ADGRF4: variants seen among roughly 807,000 people sequenced by gnomAD.
The protein encoded by ADGRF4 is G-protein coupled receptor PGR18.
ADGRF4 carries 63 observed loss-of-function variants against 58.5 expected under a neutral mutation model. The observed-to-expected ratio is 1.08, with a 90% CI of 0.88 to 1.33. ADGRF4 has a LOEUF of 1.33. ADGRF4 is among the 40% of genes most tolerant of loss of function. The pLI, the probability that ADGRF4 is intolerant of heterozygous loss-of-function variation, is 0.00. For synonymous variants in ADGRF4, 313 were observed against 295.4 expected, an observed-to-expected ratio of 1.06 and a Z score of -0.61; for missense variants, 931 against 843.9, an observed-to-expected ratio of 1.10 and a Z score of -1.28.
chr6:47,713,504 C>A (rs1344565191), intron 5 of ADGRF4, among the ~76,000 whole-genome samples: 2 of 152,182 alleles, frequency 1.3e-5, no homozygotes, highest in Non-Finnish European at 2.9e-5. Flanking sequence ...CTCCATTAAA[C>A]AATCATTAAA....
intron 9 of ADGRF4, among the ~76,000 whole-genome samples, chr6:47,718,740 A>G (rs141805967): frequency 6.6e-6 from 1 of 152,346 alleles, no homozygotes; most frequent in East Asian, 1.9e-4. Context: ...TAACACTCAT[A>G]ATAGCCCCAT....
At chr6:47,720,675 T>C (rs1245311023) in intron 9 of ADGRF4, among the ~76,000 whole-genome samples, 1 of 152,170 alleles carries the variant, frequency 6.6e-6, no homozygotes, top group Non-Finnish European at 1.5e-5. Flanking sequence ...CAGCACCTTC[T>C]GTTGTTCATA....
intron 1 of ADGRF4, among the ~76,000 whole-genome samples, chr6:47,699,126 G>C (rs112924201): frequency 6.6e-6 from 1 of 152,154 alleles, no homozygotes; most frequent in Non-Finnish European, 1.5e-5. Flanking sequence ...CTGTCTTTTA[G>C]ACTGAATGTA....
Position 47,707,279 on chromosome 6 carries a change from T to G in ADGRF4, c.34T>G (p.Cys12Gly). 1 of 1,613,580 alleles carries G rather than the reference T, an allele frequency of 6.2e-7. No homozygotes were observed. Among genetic ancestry groups the G allele is most frequent in the Non-Finnish European group, 8.5e-7 (1 of 1,179,490 alleles). Reference sequence around the variant, plus strand: ...GAAGTCCCAGGCAACCATGATTTGCTGCTTAGTGTTCTTTCTGTCCACAGA... The same window carrying G: ...GAAGTCCCAGGCAACCATGATTTGCGGCTTAGTGTTCTTTCTGTCCACAGA... ...KMKSQATMIC[C>G]LVFFLSTECS... The change falls in exon 2 of 10, where the codon TGC (cysteine) becomes GGC (glycine). Residue 12 changes from cysteine to glycine, a missense_variant. Coordinates refer to ENST00000283303, the MANE Select transcript of ADGRF4 (RefSeq NM_153838.5).
chr6:47,721,029 A>G (rs938291905), intron 9 of ADGRF4, among the ~76,000 whole-genome samples, 180 bp from the exon 10 acceptor site: 1 of 152,132 alleles, frequency 6.6e-6, no homozygotes, highest in African/African-American at 2.4e-5. Context: ...TCGCCTTTTT[A>G]CTGTCTGACC....
At chr6:47,702,391 A>T (rs891597807) in intron 1 of ADGRF4, among the ~76,000 whole-genome samples, 2 of 152,206 alleles carry the variant, frequency 1.3e-5, no homozygotes, top group African/African-American at 2.4e-5. Flanking sequence ...CAAATACAGT[A>T]GACACAAAAG....
chr6:47,699,363 G>A (rs1771532555), intron 1 of ADGRF4, among the ~76,000 whole-genome samples: 1 of 152,158 alleles, frequency 6.6e-6, no homozygotes, highest in Non-Finnish European at 1.5e-5. Flanking sequence ...TGCATCATTA[G>A]GTGCTGTTTA....
intron 7 of ADGRF4, 68 bp from the exon 8 acceptor site, chr6:47,717,224 C>G: frequency 8.9e-7 from 1 of 1,123,814 alleles, no homozygotes; most frequent in Non-Finnish European, 1.4e-6. Context: ...CTTAAAGTTT[C>G]AGGACAGGCA....
intron 6 of ADGRF4, 101 bp from the exon 7 acceptor site, chr6:47,716,705 A>G: frequency 1.2e-6 from 1 of 865,664 alleles, no homozygotes; most frequent in Non-Finnish European, 1.9e-6. Flanking sequence ...TCTAATGTCC[A>G]ATAACTGCCC....
intron 1 of ADGRF4, among the ~76,000 whole-genome samples, chr6:47,699,042 A>G (rs149366570): frequency 2.1e-3 from 326 of 152,276 alleles, no homozygotes; most frequent in African/African-American, 7.3e-3. Flanking sequence ...CTAGGAGTGA[A>G]AATGCAAAGT....
At chr6:47,712,740 T>C (rs1318127069) in intron 5 of ADGRF4, 132 bp downstream of exon 5, 1 of 659,590 alleles carries the variant, frequency 1.5e-6, no homozygotes, top group Non-Finnish European at 2.6e-6. Context: ...TTCACTTCGG[T>C]TTGGGATATT....
chr6:47,700,467 C>A (rs1771565776), intron 1 of ADGRF4, among the ~76,000 whole-genome samples: 1 of 152,136 alleles, frequency 6.6e-6, no homozygotes, highest in Non-Finnish European at 1.5e-5. Flanking sequence ...CAAGATGGGA[C>A]AAATAGGAGA....
intron 3 of ADGRF4, among the ~76,000 whole-genome samples, chr6:47,709,342 G>A (rs1238607195): frequency 6.6e-6 from 1 of 152,184 alleles, no homozygotes; most frequent in Non-Finnish European, 1.5e-5. Context: ...GGTAAATAAA[G>A]TTTTTTCGGA....
chr6:47,704,828 A>G (rs1224505020), intron 1 of ADGRF4, among the ~76,000 whole-genome samples: 1 of 152,222 alleles, frequency 6.6e-6, no homozygotes, highest in African/African-American at 2.4e-5. Flanking sequence ...TTTTGGTTTT[A>G]TGTATAGACA....
chr6:47,714,245 C>G lies in ADGRF4; in HGVS notation c.1000C>G (p.Leu334Val), dbSNP rs200903460. The G allele has an allele frequency of 1.7e-4, 277 of 1,614,156 alleles. No homozygotes were observed. Among genetic ancestry groups the G allele is most frequent in the Middle Eastern group, 4.9e-4 (3 of 6,062 alleles). ...ACCAGAAAGGTTGCAAGAAATCATACTCACCTTCGAAAAGATCAATAAAAC... is the reference window on the plus strand; with the variant it reads ...ACCAGAAAGGTTGCAAGAAATCATAGTCACCTTCGAAAAGATCAATAAAAC... Reference protein sequence around the residue: ...VLPERLQEIILTFEKINKTRN... With the variant: ...VLPERLQEIIVTFEKINKTRN... The change falls in exon 6 of 10, where the codon CTC becomes GTC. Residue 334 changes from leucine to valine, a missense_variant. Coordinates refer to ENST00000283303, the MANE Select transcript of ADGRF4 (RefSeq NM_153838.5).
At chr6:47,716,692 C>A in intron 6 of ADGRF4, 114 bp from the exon 7 acceptor site, 1 of 787,018 alleles carries the variant, frequency 1.3e-6, no homozygotes. Context: ...GGAAACTGAA[C>A]TTTCTAATGT....
intron 1 of ADGRF4, among the ~76,000 whole-genome samples, chr6:47,702,562 A>C (rs1771614196): frequency 6.6e-6 from 1 of 152,220 alleles, no homozygotes; most frequent in Admixed American, 6.5e-5. Context: ...CAAATGGTGG[A>C]TAATATGCAT....
Position 47,714,194 on chromosome 6 carries a change from A to G in ADGRF4, c.949A>G (p.Asn317Asp). The G allele has an allele frequency of 6.2e-7, 1 of 1,614,090 alleles. No individual in the cohort carries two copies. Among genetic ancestry groups the G allele is most frequent in the Non-Finnish European group, 8.5e-7 (1 of 1,180,010 alleles). The change falls in exon 6 of 10, where the codon AAT (asparagine) becomes GAT (aspartate). Residue 317 changes from asparagine (N) to aspartate (D), a missense_variant. Asn to Asp is a conservative substitution (Grantham distance 23). Transcript: ENST00000283303. The stretch of plus-strand genomic sequence containing the variant: ...AAATGTGAGTCTTCCCAGACAGGTA[A>G]ATGGTCTGGTGCTATCAGTGGTTTT... Reference protein sequence around the residue: ...LQNVSLPRQVNGLVLSVVLPE... With the variant: ...LQNVSLPRQVDGLVLSVVLPE...
chr6:47,717,435 C>T, intron 8 of ADGRF4, 84 bp downstream of exon 8: 1 of 866,478 alleles, frequency 1.2e-6, no homozygotes, highest in Non-Finnish European at 2.0e-6. Context: ...GCTCAGTACT[C>T]AGGATCTGTG....
Sources: allele counts gnomAD v4.1 joint callset (sites outside exome capture counted in the v4.1 genomes callset), GRCh38; gene constraint gnomAD v4.1.1; transcripts MANE v1.5; gene names NCBI Gene and HGNC (gene_info 2026-07-23, HGNC 2026-07-21).